Variants in KRT75 observed in about 807,000 individuals in gnomAD.
KRT75 encodes keratin 75.
Under a neutral mutation model 48.8 loss-of-function variants are expected in KRT75, and 35 were observed. The ratio of observed to expected loss-of-function variants is 0.72; its 90% CI spans 0.55 to 0.95. The LOEUF (loss-of-function observed/expected upper bound fraction) is 0.95. Ranked by LOEUF, KRT75 falls within the 40% of genes least tolerant of loss-of-function variation. The probability of loss-of-function intolerance (pLI) is 0.00; values close to 1 mark genes in which losing one functional copy is unlikely to be tolerated. For synonymous variants in KRT75, 301 were observed against 282.3 expected (o/e 1.07, Z -0.66); for missense variants, 776 against 709.9 (o/e 1.09, Z -1.06).
chr12:52,432,184 C>A, intron 2 of KRT75, 118 bp from the exon 3 acceptor site: 1 of 950,174 alleles, frequency 1.1e-6, no homozygotes, highest in South Asian at 1.4e-5. Context: ...CTGACCTGGG[C>A]ATGACTTTGG....
rs556379838 is a variant in KRT75, at chr12:52,432,895, T to C, written c.713+143A>G. The C allele has an allele frequency of 3.9e-5, 30 of 770,488 alleles. No individual in the cohort carries two copies. The South Asian group carries it at 4.0e-4, about 10-fold the overall frequency. 47.7% of individuals were successfully genotyped at this position (770,488 alleles called of 1,614,324 possible). A position where few individuals can be genotyped will look rare whatever the true frequency, so the allele number is the denominator to read the frequency against. ...AAGGTCCTTGTGCTACCCCACACAG[T>C]GCTGTCTCCACCTTGCAGGATAAAG... On this transcript the variant is annotated intron_variant, in intron 2 of 8. Coordinates refer to ENST00000252245, the MANE Select transcript of KRT75 (RefSeq NM_004693.3).
Position 52,424,360 on chromosome 12 carries a change from G to A in KRT75, c.*157C>T. ...GCAGTCTGGGCACTGTCAGGAGGGA[G>A]AGGCTGGCTTAGGCCTGGGAATGGG... is the stretch of plus-strand genomic sequence containing the variant. On this transcript the variant is annotated 3_prime_UTR_variant, in exon 9 of 9. Transcript: ENST00000252245. The A allele has an allele frequency of 1.3e-6, 1 of 768,456 alleles. No homozygotes were observed. The highest frequency in any genetic ancestry group is 2.3e-6 in the Non-Finnish European group (1 of 427,234). 47.6% of individuals were successfully genotyped at this position (768,456 alleles called of 1,614,324 possible).
chr12:52,424,584 C>A lies in KRT75; in HGVS notation c.1589G>T (p.Gly530Val), dbSNP rs1482609258. 1.9e-6 allele frequency: 3 copies of A among 1,614,176 alleles called. No homozygotes were observed. Among genetic ancestry groups the A allele is most frequent in the Non-Finnish European group, 2.5e-6 (3 of 1,180,026 alleles). The change falls in exon 9 of 9, where the codon GGG becomes GTG. Residue 530 changes from glycine (G) to valine (V), a missense_variant. Gly to Val is a moderately radical substitution (Grantham distance 109). Coordinates refer to ENST00000252245, the MANE Select transcript of KRT75 (RefSeq NM_004693.3). ...AAACTTGACGCTAGAACCACTGCCC[C>A]CTAAGCCCCGGTTGCTGGTGGCACT... ...GFSATSNRGL[G>V]GSGSSVKFVS...
intron 7 of KRT75, 148 bp downstream of exon 7, chr12:52,428,108 A>T: frequency 1.0e-6 from 1 of 992,486 alleles, no homozygotes; most frequent in Non-Finnish European, 1.5e-6. Context: ...GAAGGAAATT[A>T]AAATTATTTT....
intron 8 of KRT75, 144 bp downstream of exon 8, chr12:52,426,673 C>T (rs1239928192): frequency 3.4e-6 from 3 of 876,722 alleles, no homozygotes; most frequent in Non-Finnish European, 5.8e-6. Context: ...TTAAGGGACC[C>T]AAAACCTCAA....
Position 52,424,429 on chromosome 12 carries a change from C to T in KRT75, c.*88G>A, listed in dbSNP as rs941436648. Reference sequence around the variant, plus strand: ...CTCCCAGCAGCACAGGTGCACCTTACAAGGAGAGAGGAAGGAGGAGGACCC... The same window carrying T: ...CTCCCAGCAGCACAGGTGCACCTTATAAGGAGAGAGGAAGGAGGAGGACCC... On this transcript the variant is annotated 3_prime_UTR_variant, in exon 9 of 9. Transcript: ENST00000252245. 15 of 1,220,064 alleles carry T rather than the reference C, an allele frequency of 1.2e-5. No individual in the cohort carries two copies. The African/African-American group carries it at 1.9e-4, about 16-fold the overall frequency. The allele number at this position is 1,220,064 out of a possible 1,614,324, so 75.6% of individuals were successfully genotyped here. A position where few individuals can be genotyped will look rare whatever the true frequency, so the allele number is the denominator to read the frequency against.
chr12:52,428,843 C>A, intron 5 of KRT75, 100 bp from the exon 6 acceptor site: 1 of 1,391,716 alleles, frequency 7.2e-7, no homozygotes, highest in African/African-American at 1.4e-5. Context: ...CAGGCTCATT[C>A]ATTCCTGGTC....
intron 3 of KRT75, 40 bp from the exon 4 acceptor site, chr12:52,431,678 C>A: frequency 7.2e-7 from 1 of 1,392,070 alleles, no homozygotes; most frequent in East Asian, 2.3e-5. Flanking sequence ...AGTCTGCAGC[C>A]CCAAGTATCT....
chr12:52,432,879 G>T (rs942012557), intron 2 of KRT75, among the ~76,000 whole-genome samples, 159 bp downstream of exon 2: 5 of 152,200 alleles, frequency 3.3e-5, no homozygotes, highest in African/African-American at 1.2e-4. Flanking sequence ...GAAGGTCCTT[G>T]TGCTACCCCA....
chr12:52,431,704 G>A lies in KRT75; in HGVS notation c.775-66C>T, dbSNP rs919867350. 2.4e-6 allele frequency: 3 copies of A among 1,231,238 alleles called. No homozygotes were observed. The African/African-American group carries it at 4.5e-5, about 18-fold the overall frequency. The allele number at this position is 1,231,238 out of a possible 1,614,324, so 76.3% of individuals were successfully genotyped here. A position where few individuals can be genotyped will look rare whatever the true frequency, so the allele number is the denominator to read the frequency against. On this transcript the variant is annotated intron_variant, in intron 3 of 8. Coordinates refer to ENST00000252245, the MANE Select transcript of KRT75 (RefSeq NM_004693.3). ...CCAAGTATCTAGTCCAAAAGAAGCT[G>A]AGCAGATTTCTCCCCAGCCCATCTA...
In KRT75 at chr12:52,433,295, G is replaced by A. The variant is rs189467037; in HGVS notation, c.499-43C>T. 2,500 of 1,510,392 alleles carry A rather than the reference G, an allele frequency of 1.7e-3. 2 individuals are homozygous for A. The highest frequency in any genetic ancestry group is 1.9e-3 in the Non-Finnish European group (2,116 of 1,086,442). The allele number at this position is 1,510,392 out of a possible 1,614,324, so 93.6% of individuals were successfully genotyped here. A position where few individuals can be genotyped will look rare whatever the true frequency, so the allele number is the denominator to read the frequency against. ...GAATGAAACCTTGAGAAGTTGGAGA[G>A]GCAGAGTTAGACACTCCTATTAATA... On this transcript the variant is annotated intron_variant, in intron 1 of 8. Coordinates refer to ENST00000252245, the MANE Select transcript of KRT75 (RefSeq NM_004693.3).
In KRT75 at chr12:52,430,656, G is replaced by A. The variant is rs758168793; in HGVS notation, c.920C>T (p.Ser307Phe). ...TQVGDTSVVLSMDNNRNLDLD... is the reference protein window; with the variant it reads ...TQVGDTSVVLFMDNNRNLDLD... ...GTCCAGGTTGCGGTTGTTGTCCATG[G>A]ACAGCACCACGGATGTGTCACCGAC... Residue 307 changes from serine (S) to phenylalanine (F), a missense_variant, in exon 5 of 9, where the codon TCC becomes TTC. Coordinates refer to ENST00000252245, the MANE Select transcript of KRT75 (RefSeq NM_004693.3). 2.0e-5 allele frequency: 33 copies of A among 1,614,082 alleles called. No homozygotes were observed. The highest frequency in any genetic ancestry group is 2.6e-5 in the Non-Finnish European group (31 of 1,180,046).
intron 8 of KRT75, among the ~76,000 whole-genome samples, chr12:52,425,731 C>T (rs1403485373): frequency 3.3e-5 from 5 of 152,172 alleles, no homozygotes. Flanking sequence ...GATAGTGCCA[C>T]CCTGCATGAT....
rs1419628994 is a variant in KRT75, at chr12:52,428,605, G to A, written c.1161+13C>T. On this transcript the variant is annotated intron_variant, in intron 6 of 8. Transcript: ENST00000252245. Reference sequence around the variant, plus strand: ...GAGCATTTGAGGAGCTCTTGGCCCTGCCAAATCTTTACCTGCTTCTTGACG... The same window carrying A: ...GAGCATTTGAGGAGCTCTTGGCCCTACCAAATCTTTACCTGCTTCTTGACG... 8.1e-6 allele frequency: 13 copies of A among 1,614,094 alleles called. No individual in the cohort carries two copies. Among genetic ancestry groups the A allele is most frequent in the African/African-American group, 1.3e-5 (1 of 74,944 alleles).
intron 8 of KRT75, among the ~76,000 whole-genome samples, chr12:52,425,784 A>G (rs1383126286): frequency 6.6e-6 from 1 of 152,212 alleles, no homozygotes; most frequent in African/African-American, 2.4e-5. Context: ...TTTCAGAGGG[A>G]CCAGGGCCCT....
intron 8 of KRT75, among the ~76,000 whole-genome samples, chr12:52,425,136 C>A (rs1407545406): frequency 3.3e-5 from 5 of 152,160 alleles, no homozygotes; most frequent in Non-Finnish European, 5.9e-5. Context: ...GCACACTCCT[C>A]TTCCCTCAGC....
At position 52,434,127 on chromosome 12, in the gene KRT75, G is replaced by A. The variant is rs544807762; in HGVS notation, c.178C>T (p.Arg60Cys). ...ISSAGASFGS[R>C]SLYNLGGAKR... ...GCACCCCCCAGGTTGTAGAGGCTGC[G>A]GCTTCCAAAGCTGGCCCCAGCACTG... The change falls in exon 1 of 9, where the codon CGC (arginine) becomes TGC (cysteine). Residue 60 changes from arginine to cysteine, a missense_variant. By Grantham distance (180) the Arg-to-Cys change is radical. Coordinates refer to ENST00000252245, the MANE Select transcript of KRT75 (RefSeq NM_004693.3). The A allele has an allele frequency of 8.7e-6, 14 of 1,614,112 alleles. No individual in the cohort carries two copies. The East Asian group carries it at 2.0e-4, about 23-fold the overall frequency.
intron 7 of KRT75, among the ~76,000 whole-genome samples, chr12:52,427,371 C>G (rs1217528947): frequency 1.3e-5 from 2 of 152,240 alleles, no homozygotes; most frequent in Non-Finnish European, 2.9e-5. Flanking sequence ...CATTCATAAA[C>G]ACATACTGAG....
At chr12:52,432,114 A>T in intron 2 of KRT75, 48 bp from the exon 3 acceptor site, 1 of 1,592,094 alleles carries the variant, frequency 6.3e-7, no homozygotes, top group East Asian at 2.2e-5. Context: ...TCTGCATTGA[A>T]CTCTTTCCAG....
Sources: gnomAD v4.1 joint callset for allele counts (sites outside exome capture counted in the v4.1 genomes callset) on GRCh38, gnomAD v4.1.1 for gene constraint, MANE v1.5 for transcripts, NCBI Gene and HGNC (gene_info 2026-07-23, HGNC 2026-07-21) for gene names.